The following KCNK4 variants were observed in gnomAD, a reference collection of about 807,000 sequenced individuals.
The protein encoded by KCNK4 is potassium two pore domain channel subfamily K member 4, also known as potassium channel subfamily K member 4.
KCNK4 carries 22 observed loss-of-function variants against 28.8 expected under a neutral mutation model. That is an observed-to-expected ratio of 0.76 (90% CI 0.55 to 1.09). The LOEUF is 1.09. Among genes scored for constraint, KCNK4 ranks in the 50% least tolerant of loss-of-function variants. KCNK4 has a pLI of 0.00. For missense variants in KCNK4, 483 were observed against 546.3 expected, an observed-to-expected ratio of 0.88 and a Z score of 1.15; for synonymous variants, 263 against 252.9, an observed-to-expected ratio of 1.04 and a Z score of -0.38.
chr11:64,297,959 A>G (rs2034817565), intron 5 of KCNK4, 151 bp from the exon 6 acceptor site: 2 of 960,284 alleles, frequency 2.1e-6, no homozygotes, highest in Admixed American at 2.8e-5. Context: ...CACACCACTC[A>G]TTTTCCTGCC....
Position 64,293,983 on chromosome 11 carries a change from A to T in KCNK4, c.189+776A>T, listed in dbSNP as rs76234331. On this transcript the variant is annotated intron_variant, in intron 2 of 6. Transcript: ENST00000422670. Reference sequence around the variant, plus strand: ...GGCAACCCTACCTACACCGGTTCCCATACTTTTCTTGGAGTCATGTGCCTT... The same window carrying T: ...GGCAACCCTACCTACACCGGTTCCCTTACTTTTCTTGGAGTCATGTGCCTT... Among the ~76,000 whole-genome samples, 261 of 152,334 alleles carry T rather than the reference A, an allele frequency of 1.7e-3. 2 individuals carry two copies. The highest frequency in any genetic ancestry group is 0.013 in the East Asian group (66 of 5,190).
chr11:64,297,013 G>A lies in KCNK4; in HGVS notation c.313+12G>A, dbSNP rs768705583. 9 of 1,564,000 alleles carry A rather than the reference G, an allele frequency of 5.8e-6. No homozygotes were observed. The South Asian group carries it at 9.6e-5, about 17-fold the overall frequency. ...CATCACCACCATCGGTGGGGGAGGGGATTGGCATGTGGGGGGCGGCAAGGA... is the reference window on the plus strand; with the variant it reads ...CATCACCACCATCGGTGGGGGAGGGAATTGGCATGTGGGGGGCGGCAAGGA... On this transcript the variant is annotated intron_variant, in intron 3 of 6. Transcript: ENST00000422670.
intron 6 of KCNK4, among the ~76,000 whole-genome samples, chr11:64,299,141 C>G (rs910670616): frequency 6.7e-6 from 1 of 150,094 alleles, no homozygotes; most frequent in African/African-American, 2.5e-5. Flanking sequence ...CTGAAATTCA[C>G]ATTTAGCCAG....
chr11:64,292,055 T>C, intron 1 of KCNK4: 1 of 1,134,564 alleles, frequency 8.8e-7, no homozygotes, highest in Non-Finnish European at 1.1e-6. Context: ...CTGGGTGCCC[T>C]GGCGCGGCCG....
Position 64,293,013 on chromosome 11 carries a change from C to T in KCNK4, c.-6C>T. The T allele has an allele frequency of 1.9e-6, 3 of 1,539,730 alleles. No individual in the cohort carries two copies. Among genetic ancestry groups the T allele is most frequent in the Non-Finnish European group, 2.6e-6 (3 of 1,143,034 alleles). On this transcript the variant is annotated 5_prime_UTR_variant, in exon 2 of 7. Coordinates refer to ENST00000422670, the MANE Select transcript of KCNK4 (RefSeq NM_033310.3). ...CAGTGGAGCTGGCCCGGCGCCTGGG[C>T]GCGCCATGCGCAGCACCACGCTCCT...
chr11:64,299,399 CGTGA>C lies in KCNK4; in HGVS notation c.856_859del (p.Val286ProfsTer131). ...GCTGGACTGGCACGGTGACAGCGCG[CGTGA>C]CCCAGCGAGCCGGGCCCGCCGCCCC... On this transcript the variant is annotated frameshift_variant, in exon 7 of 7. Transcript: ENST00000422670. LOFTEE classifies it low-confidence loss of function (END_TRUNC). 6.4e-7 allele frequency: 1 copy of C among 1,572,204 alleles called. No individual in the cohort carries two copies. Among genetic ancestry groups the C allele is most frequent in the Non-Finnish European group, 8.6e-7 (1 of 1,161,750 alleles).
At chr11:64,293,255 G>T in intron 2 of KCNK4, 48 bp downstream of exon 2, 1 of 1,399,624 alleles carries the variant, frequency 7.1e-7, no homozygotes. Context: ...ATCACCCCTG[G>T]CGCTAGCTGT....
rs770320538 is a variant in KCNK4, at chr11:64,297,181, G to A, written c.376G>A (p.Val126Met). 9.9e-6 allele frequency: 16 copies of A among 1,614,044 alleles called. No individual in the cohort carries two copies. The Admixed American group carries it at 2.5e-4, about 25-fold the overall frequency. ...GRLFCIFYALVGIPLFGILLA... is the reference protein window; with the variant it reads ...GRLFCIFYALMGIPLFGILLA... Reference sequence around the variant, plus strand: ...CCTCTTCTGCATCTTTTATGCGCTGGTGGGGATTCCGCTGTTTGGGATCCT... The same window carrying A: ...CCTCTTCTGCATCTTTTATGCGCTGATGGGGATTCCGCTGTTTGGGATCCT... The change falls in exon 4 of 7, where the codon GTG becomes ATG. Residue 126 changes from valine (V) to methionine (M), a missense_variant. Physicochemically the swap from Val to Met is conservative, Grantham distance 21. Transcript: ENST00000422670.
At position 64,296,871 on chromosome 11, in the gene KCNK4, C is replaced by T. The variant is rs764533887; in HGVS notation, c.190-7C>T. ...TGAAGCTCCTCCTTCTGCACCTTGTCCTGCAGGAGGTGGCTGATGCCCTGG... is the reference window on the plus strand; with the variant it reads ...TGAAGCTCCTCCTTCTGCACCTTGTTCTGCAGGAGGTGGCTGATGCCCTGG... On this transcript the variant is annotated splice_region_variant and splice_polypyrimidine_tract_variant and intron_variant, in intron 2 of 6. Transcript: ENST00000422670. 6.6e-7 allele frequency: 1 copy of T among 1,508,950 alleles called. No individual in the cohort carries two copies. Among genetic ancestry groups the T allele is most frequent in the Non-Finnish European group, 8.8e-7 (1 of 1,130,438 alleles). 93.5% of individuals were successfully genotyped at this position (1,508,950 alleles called of 1,614,324 possible). A position where few individuals can be genotyped will look rare whatever the true frequency, so the allele number is the denominator to read the frequency against.
intron 2 of KCNK4, among the ~76,000 whole-genome samples, chr11:64,295,862 C>G (rs1238871490): frequency 1.3e-5 from 2 of 152,002 alleles, no homozygotes; most frequent in African/African-American, 2.4e-5. Flanking sequence ...CTTTATGATA[C>G]GCCCCACAGA....
In KCNK4 at chr11:64,294,897, AGAGG is replaced by A. The variant is rs1165627314; in HGVS notation, c.189+1709_189+1712del. 8.7e-5 allele frequency among the ~76,000 whole-genome samples: 12 copies of A among 138,386 alleles called. No homozygotes were observed. The South Asian group carries it at 2.4e-3, about 28-fold the overall frequency. The allele number at this position is 138,386 out of a possible 152,430, so 90.8% of individuals were successfully genotyped here. A position where few individuals can be genotyped will look rare whatever the true frequency, so the allele number is the denominator to read the frequency against. ...TATCTGGCCAGACCACAGGGCAGAG[AGAGG>A]GAGGGAGGGAGGGAGGGAATCTGAC... is the stretch of plus-strand genomic sequence containing the variant. On this transcript the variant is annotated intron_variant, in intron 2 of 6. Transcript: ENST00000422670.
At chr11:64,294,177 C>T (rs377676992) in intron 2 of KCNK4, among the ~76,000 whole-genome samples, 1 of 152,154 alleles carries the variant, frequency 6.6e-6, no homozygotes, top group South Asian at 2.1e-4. Flanking sequence ...AGGGGGGGTG[C>T]GTCAGGGTTC....
At chr11:64,293,304 A>C (rs970209115) in intron 2 of KCNK4, 97 bp downstream of exon 2, 2 of 1,299,398 alleles carry the variant, frequency 1.5e-6, no homozygotes, top group African/African-American at 3.1e-5. Flanking sequence ...CTTTCAGATC[A>C]GTATCCCTGA....
chr11:64,297,179 T>C lies in KCNK4; in HGVS notation c.374T>C (p.Leu125Pro). Residue 125 changes from leucine (L) to proline (P), a missense_variant, in exon 4 of 7, where the codon CTG (leucine) becomes CCG (proline). Transcript: ENST00000422670. Reference sequence around the variant, plus strand: ...CGCCTCTTCTGCATCTTTTATGCGCTGGTGGGGATTCCGCTGTTTGGGATC... The same window carrying C: ...CGCCTCTTCTGCATCTTTTATGCGCCGGTGGGGATTCCGCTGTTTGGGATC... ...AGRLFCIFYA[L>P]VGIPLFGILL... The C allele has an allele frequency of 6.2e-7, 1 of 1,614,142 alleles. No homozygotes were observed. Among genetic ancestry groups the C allele is most frequent in the Non-Finnish European group, 8.5e-7 (1 of 1,180,026 alleles).
intron 5 of KCNK4, 114 bp from the exon 6 acceptor site, chr11:64,297,996 C>T (rs1353931531): frequency 3.3e-6 from 4 of 1,217,966 alleles, no homozygotes; most frequent in Non-Finnish European, 4.6e-6. Flanking sequence ...AGCACATACC[C>T]ATTGCCCTAG....
At chr11:64,299,232 C>A in intron 6 of KCNK4, 114 bp from the exon 7 acceptor site, 1 of 1,024,696 alleles carries the variant, frequency 9.8e-7, no homozygotes, top group Non-Finnish European at 1.3e-6. Context: ...GGCTGGAGGA[C>A]CAGGCAGAAA....
chr11:64,295,141 G>T (rs1274039184), intron 2 of KCNK4, among the ~76,000 whole-genome samples: 2 of 152,170 alleles, frequency 1.3e-5, no homozygotes, highest in Non-Finnish European at 1.5e-5. Flanking sequence ...TCAGACACAG[G>T]GTCTGCCTTG....
At chr11:64,292,275 T>C (rs6591840) in intron 1 of KCNK4, among the ~76,000 whole-genome samples, 150,069 of 152,182 alleles carry the variant, frequency 0.99, 74,023 homozygotes, top group Middle Eastern at 1. Flanking sequence ...TCGGGGGCTG[T>C]CGCCCCGGTG....
chr11:64,295,210 T>C (rs1194455319), intron 2 of KCNK4, among the ~76,000 whole-genome samples: 1 of 152,182 alleles, frequency 6.6e-6, no homozygotes, highest in African/African-American at 2.4e-5. Flanking sequence ...ACTGTAGGAT[T>C]CAGTGGAAAG....
Sources: gnomAD v4.1 joint callset for allele counts (sites outside exome capture counted in the v4.1 genomes callset) on GRCh38, gnomAD v4.1.1 for gene constraint, MANE v1.5 for transcripts, NCBI Gene and HGNC (gene_info 2026-07-23, HGNC 2026-07-21) for gene names.